GPHN: variants seen among roughly 807,000 people sequenced by gnomAD.
GPHN encodes gephyrin.
GPHN carries 17 observed loss-of-function variants against 95.5 expected under a neutral mutation model. The observed-to-expected ratio is 0.18, with a 90% CI of 0.12 to 0.27. The LOEUF is 0.27. GPHN is among the 10% of genes least tolerant of loss of function. The pLI is 1.00. For synonymous variants in GPHN, 320 were observed against 322.5 expected, an observed-to-expected ratio of 0.99 and a Z score of 0.08; for missense variants, 660 against 978.1, an observed-to-expected ratio of 0.67 and a Z score of 4.34.
chr14:67,100,566 G>T (rs2077642864), intron 12 of GPHN, among the ~76,000 whole-genome samples: 1 of 152,152 alleles, frequency 6.6e-6, no homozygotes, highest in African/African-American at 2.4e-5. Flanking sequence ...AAAAGCACAA[G>T]TGTGGAAATT....
intron 3 of GPHN, among the ~76,000 whole-genome samples, chr14:66,794,019 A>G (rs1434128830): frequency 6.6e-6 from 1 of 152,182 alleles, no homozygotes; most frequent in African/African-American, 2.4e-5. Context: ...TTAAAAACCC[A>G]TCTGTGTGCT....
chr14:67,366,841 G>C, the GPHN span, among the ~76,000 whole-genome samples: 1 of 152,150 alleles, frequency 6.6e-6, no homozygotes, highest in Non-Finnish European at 1.5e-5. Flanking sequence ...TATAAGAAAG[G>C]GTATGTTTTC....
At chr14:67,600,206 C>T in the GPHN span, 1 of 1,566,722 alleles carries the variant, frequency 6.4e-7, no homozygotes, top group Non-Finnish European at 8.6e-7. Context: ...TCCTCCATGA[C>T]GCCCCCACTC....
intron 1 of GPHN, among the ~76,000 whole-genome samples, chr14:66,653,099 GCTGGTC>G (rs964259573): frequency 7.2e-5 from 11 of 152,080 alleles, no homozygotes; most frequent in Non-Finnish European, 1.2e-4. Context: ...AGGGCTGGGA[GCTGGTC>G]CTGGTACTCG....
At chr14:67,645,622 G>T in the GPHN span, 1 of 1,609,136 alleles carries the variant, frequency 6.2e-7, no homozygotes. Flanking sequence ...GGGCCTTCAA[G>T]ATTATACTTG....
At chr14:66,754,003 C>T (rs918960729) in intron 2 of GPHN, among the ~76,000 whole-genome samples, 3 of 151,976 alleles carry the variant, frequency 2.0e-5, no homozygotes, top group African/African-American at 4.8e-5. Context: ...TTTCACTGAG[C>T]ATTTTTTAAG....
At chr14:67,698,019 G>T in the GPHN span, among the ~76,000 whole-genome samples, 37 of 150,708 alleles carry the variant, frequency 2.5e-4, no homozygotes. Flanking sequence ...AAATAAAGTA[G>T]GAATCAGGAG....
At chr14:66,824,888 C>G (rs1238690060) in intron 4 of GPHN, among the ~76,000 whole-genome samples, 1 of 152,118 alleles carries the variant, frequency 6.6e-6, no homozygotes, top group East Asian at 1.9e-4. Flanking sequence ...AGCATGGCAT[C>G]TGGTCTGATG....
intron 9 of GPHN, chr14:66,985,819 G>T: frequency 1.4e-6 from 1 of 703,916 alleles, no homozygotes; most frequent in South Asian, 2.0e-5. Flanking sequence ...GTGGGAGGAA[G>T]GGGGCTTTTT....
rs534153721 is a variant in GPHN at position 66,685,341 on chromosome 14, A to G, written c.143+4156A>G. 3.9e-5 allele frequency among the ~76,000 whole-genome samples: 6 copies of G among 152,298 alleles called. No individual in the cohort carries two copies. The East Asian group carries it at 9.6e-4, about 24-fold the overall frequency. On this transcript the variant is annotated intron_variant, in intron 2 of 22. Transcript: ENST00000478722. ...GAATCGCCACACTGTCTTCCACAACAGTTGAACTAGTTTACAGTCCCACCA... is the reference window on the plus strand; with the variant it reads ...GAATCGCCACACTGTCTTCCACAACGGTTGAACTAGTTTACAGTCCCACCA...
intron 18 of GPHN, among the ~76,000 whole-genome samples, chr14:67,155,428 A>C (rs966725145): frequency 6.6e-6 from 1 of 152,238 alleles, no homozygotes; most frequent in Non-Finnish European, 1.5e-5. Context: ...ATGACTAAAA[A>C]TTAAGATAGG....
intron 5 of GPHN, among the ~76,000 whole-genome samples, chr14:66,912,998 A>T (rs967475762): frequency 6.6e-6 from 1 of 152,150 alleles, no homozygotes; most frequent in Non-Finnish European, 1.5e-5. Flanking sequence ...AGAACTTGTT[A>T]AGATACAGAT....
At chr14:66,658,260 C>G (rs1401128352) in intron 1 of GPHN, among the ~76,000 whole-genome samples, 1 of 152,016 alleles carries the variant, frequency 6.6e-6, no homozygotes, top group Non-Finnish European at 1.5e-5. Context: ...GGAGCTTTTT[C>G]TTATGGATAA....
chr14:66,680,794 A>G (rs367927315), intron 1 of GPHN, among the ~76,000 whole-genome samples: 13 of 152,070 alleles, frequency 8.5e-5, no homozygotes, highest in African/African-American at 2.9e-4. Context: ...GTGACTTGCT[A>G]CTGTGTACTA....
intron 1 of GPHN, among the ~76,000 whole-genome samples, chr14:66,588,603 T>C (rs903088588): frequency 6.6e-6 from 1 of 151,932 alleles, no homozygotes; most frequent in African/African-American, 2.4e-5. Flanking sequence ...CAAGTATCAA[T>C]AGGCGAATCG....
At chr14:67,153,353 A>G (rs1230882392) in intron 18 of GPHN, among the ~76,000 whole-genome samples, 1 of 152,212 alleles carries the variant, frequency 6.6e-6, no homozygotes, top group Non-Finnish European at 1.5e-5. Context: ...TGGGAAATCC[A>G]AGATCCAGGT....
intron 2 of GPHN, among the ~76,000 whole-genome samples, chr14:66,752,048 T>A (rs544415260): frequency 4.6e-5 from 7 of 152,280 alleles, no homozygotes; most frequent in Admixed American, 1.3e-4. Context: ...TATAGCTTCT[T>A]AAACCTCATG....
At chr14:66,742,624 T>C (rs991251467) in intron 2 of GPHN, among the ~76,000 whole-genome samples, 1 of 152,218 alleles carries the variant, frequency 6.6e-6, no homozygotes, top group African/African-American at 2.4e-5. Context: ...ATGTGATGTA[T>C]TGTTAGAGTC....
intron 10 of GPHN, among the ~76,000 whole-genome samples, chr14:67,051,634 A>G (rs1337538023): frequency 6.6e-6 from 1 of 152,170 alleles, no homozygotes; most frequent in African/African-American, 2.4e-5. Flanking sequence ...ATGAGAAGAA[A>G]GGTCATCCCC....
Sources: allele counts gnomAD v4.1 joint callset (sites outside exome capture counted in the v4.1 genomes callset), GRCh38; gene constraint gnomAD v4.1.1; transcripts MANE v1.5; gene names NCBI Gene and HGNC (gene_info 2026-07-23, HGNC 2026-07-21).